The following NR3C1 variants were observed in gnomAD, a reference collection of about 807,000 sequenced individuals.
The protein encoded by NR3C1 is nuclear receptor subfamily 3 group C member 1.
NR3C1 carries 14 observed loss-of-function variants against 74.0 expected under a neutral mutation model. The ratio of observed to expected loss-of-function variants is 0.19; its 90% CI spans 0.12 to 0.30. The LOEUF (loss-of-function observed/expected upper bound fraction) is 0.30. Among genes scored for constraint, NR3C1 ranks in the 10% least tolerant of loss-of-function variants. The pLI, the probability that NR3C1 is intolerant of heterozygous loss-of-function variation, is 1.00. For missense variants in NR3C1, 695 were observed against 909.8 expected (o/e 0.76, Z 3.04); for synonymous variants, 308 against 332.5 (o/e 0.93, Z 0.80).
intron 2 of NR3C1, among the ~76,000 whole-genome samples, chr5:143,388,227 A>C (rs1270946970): frequency 6.6e-6 from 1 of 152,186 alleles, no homozygotes; most frequent in African/African-American, 2.4e-5. Flanking sequence ...TTGAAAATAC[A>C]TCTTCTTTAT....
intron 2 of NR3C1, among the ~76,000 whole-genome samples, chr5:143,395,528 C>T (rs1600560941): frequency 6.6e-6 from 1 of 151,820 alleles, no homozygotes; most frequent in East Asian, 1.9e-4. Flanking sequence ...TACACAATTA[C>T]TCTTGATGAA....
At chr5:143,397,146 C>T (rs1839373485) in intron 2 of NR3C1, among the ~76,000 whole-genome samples, 1 of 151,678 alleles carries the variant, frequency 6.6e-6, no homozygotes, top group African/African-American at 2.4e-5. Flanking sequence ...ATTGCCTCTT[C>T]CCACCCCCAG....
Position 143,279,583 on chromosome 5 carries a change from GTTTT to G in NR3C1, c.*2302_*2305del. 4.0e-6 allele frequency: 2 copies of G among 495,176 alleles called. No homozygotes were observed. The highest frequency in any genetic ancestry group is 1.3e-4 in the South Asian group (2 of 14,844). The allele number at this position is 495,176 out of a possible 1,614,324, so 30.7% of individuals were successfully genotyped here. A position where few individuals can be genotyped will look rare whatever the true frequency, so the allele number is the denominator to read the frequency against. On this transcript the variant is annotated 3_prime_UTR_variant, in exon 9 of 9. Transcript: ENST00000394464. ...GAGAGCATTCAAAAAGCAAATGATT[GTTTT>G]TTTATTAAATAATTTCTCCAAAATA...
At chr5:143,341,095 T>C (rs1828140403) in intron 2 of NR3C1, among the ~76,000 whole-genome samples, 1 of 152,214 alleles carries the variant, frequency 6.6e-6, no homozygotes, top group Admixed American at 6.5e-5. Flanking sequence ...TTTGATAAGC[T>C]GTTGTAGTTT....
intron 2 of NR3C1, among the ~76,000 whole-genome samples, chr5:143,398,855 G>A (rs978439559): frequency 2.0e-5 from 3 of 151,908 alleles, no homozygotes; most frequent in Non-Finnish European, 2.9e-5. Flanking sequence ...GCTTATAAAC[G>A]ACTGAGTAAA....
chr5:143,434,983 A>C lies in NR3C1; in HGVS notation c.-465T>G. 5 of 985,160 alleles carry C rather than the reference A, an allele frequency of 5.1e-6. No individual in the cohort carries two copies. In the South Asian group the frequency reaches 1.9e-4, roughly 37 times the overall value. The allele number at this position is 985,160 out of a possible 1,614,324, so 61.0% of individuals were successfully genotyped here. On this transcript the variant is annotated 5_prime_UTR_variant, in exon 1 of 9. Coordinates refer to the NR3C1 transcript ENST00000343796. ...CTTTTTTTTTTTTGGAGAGAAATACAGTGACTCTCCTAATTATGGTGAATT... is the reference window on the plus strand; with the variant it reads ...CTTTTTTTTTTTTGGAGAGAAATACCGTGACTCTCCTAATTATGGTGAATT...
chr5:143,391,726 G>A (rs1600526034), intron 2 of NR3C1, among the ~76,000 whole-genome samples: 1 of 151,934 alleles, frequency 6.6e-6, no homozygotes, highest in African/African-American at 2.4e-5. Context: ...AAGATACTAC[G>A]TTGGCATTTG....
At chr5:143,407,240 T>C (rs983214052), upstream of NR3C1, 2 of 152,230 alleles carry the variant, frequency 1.3e-5, no homozygotes, top group African/African-American at 2.4e-5. Context: ...AGGGTTATAA[T>C]AACATTGAGT....
chr5:143,401,119 T>C, intron 1 of NR3C1: 1 of 487,076 alleles, frequency 2.1e-6, no homozygotes, highest in South Asian at 2.2e-5. Context: ...GCTTGGCTAT[T>C]CATCCTGCCG....
intron 6 of NR3C1, among the ~76,000 whole-genome samples, chr5:143,297,095 AAG>A (rs1240308861): frequency 4.0e-4 from 61 of 150,672 alleles, no homozygotes; most frequent in African/African-American, 1.3e-3. Context: ...AAAAAAAAAA[AAG>A]AAAAGAAAAA....
intron 1 of NR3C1, among the ~76,000 whole-genome samples, chr5:143,428,303 G>A (rs577315199): frequency 1.3e-5 from 2 of 152,302 alleles, no homozygotes; most frequent in African/African-American, 4.8e-5. Flanking sequence ...ATTCTACAGA[G>A]GAAGTAACAA....
At chr5:143,416,492 T>C (rs960399457) in intron 1 of NR3C1, among the ~76,000 whole-genome samples, 4 of 151,872 alleles carry the variant, frequency 2.6e-5, no homozygotes, top group Non-Finnish European at 4.4e-5. Flanking sequence ...TGGAAATAGA[T>C]TCCCAATTAT....
chr5:143,373,783 G>A (rs1834654285), intron 2 of NR3C1, among the ~76,000 whole-genome samples: 3 of 152,106 alleles, frequency 2.0e-5, no homozygotes, highest in African/African-American at 4.8e-5. Context: ...TGGGAAGGGA[G>A]GGGGATGTGA....
chr5:143,301,914 G>C (rs1319230266), intron 4 of NR3C1, among the ~76,000 whole-genome samples: 2 of 152,016 alleles, frequency 1.3e-5, no homozygotes, highest in Non-Finnish European at 2.9e-5. Context: ...CATTCTTATT[G>C]TGTTCTATAC....
intron 2 of NR3C1, among the ~76,000 whole-genome samples, chr5:143,348,897 C>T (rs1408172413): frequency 7.2e-5 from 11 of 152,124 alleles, no homozygotes; most frequent in Admixed American, 2.0e-4. Flanking sequence ...AAATATTTTT[C>T]CCTACAAATG....
At chr5:143,362,149 G>A (rs1561671421) in intron 2 of NR3C1, among the ~76,000 whole-genome samples, 1 of 151,968 alleles carries the variant, frequency 6.6e-6, no homozygotes, top group Non-Finnish European at 1.5e-5. Flanking sequence ...ATTAATCAAC[G>A]GCTTGAAGCA....
intron 2 of NR3C1, chr5:143,333,388 G>C: frequency 1.6e-6 from 1 of 617,378 alleles, no homozygotes; most frequent in South Asian, 1.9e-5. Context: ...AATAGATGGA[G>C]ACCTGCTGGG....
Position 143,280,477 on chromosome 5 carries a change from T to TTAAG in NR3C1, c.*1408_*1411dup, listed in dbSNP as rs1332747212. The TTAAG allele has an allele frequency of 6.6e-6, 1 of 152,598 alleles. No individual in the cohort carries two copies. The highest frequency in any genetic ancestry group is 2.4e-5 in the African/African-American group (1 of 41,444). The allele number at this position is 152,598 out of a possible 1,614,324, so 9.5% of individuals were successfully genotyped here. A position where few individuals can be genotyped will look rare whatever the true frequency, so the allele number is the denominator to read the frequency against. On this transcript the variant is annotated 3_prime_UTR_variant, in exon 9 of 9. Coordinates refer to ENST00000394464, the MANE Select transcript of NR3C1 (RefSeq NM_000176.3). ...AATTTCTTGTGGCTTAGTAAATATG[T>TTAAG]TAAGTTTTGAGTTTACAGAAAGTTG...
At chr5:143,298,889 A>G in intron 5 of NR3C1, 77 bp from the exon 6 acceptor site, 1 of 1,475,308 alleles carries the variant, frequency 6.8e-7, no homozygotes, top group Non-Finnish European at 9.3e-7. Flanking sequence ...AGGAGCAATG[A>G]GATCAATTAG....
Sources: gnomAD v4.1 joint callset for allele counts (sites outside exome capture counted in the v4.1 genomes callset) on GRCh38, gnomAD v4.1.1 for gene constraint, MANE v1.5 for transcripts, NCBI Gene and HGNC (gene_info 2026-07-23, HGNC 2026-07-21) for gene names.